The following MPP7 variants were observed in gnomAD, a reference collection of about 807,000 sequenced individuals.
MPP7 encodes MAGUK p55 subfamily member 7.
A neutral mutation model predicts 76.5 loss-of-function variants in MPP7; 60 were observed. That is an observed-to-expected ratio of 0.78 (90% CI 0.64 to 0.97). The LOEUF is 0.97. Ranked by LOEUF, MPP7 falls within the 50% of genes least tolerant of loss-of-function variation. The probability of loss-of-function intolerance (pLI) is 0.00; values close to 1 mark genes in which losing one functional copy is unlikely to be tolerated. For synonymous variants in MPP7, 237 were observed against 244.5 expected (o/e 0.97, Z 0.29); for missense variants, 641 against 694.0 (o/e 0.92, Z 0.86).
intron 2 of MPP7, among the ~76,000 whole-genome samples, chr10:28,210,871 T>C (rs1023200255): frequency 6.6e-6 from 1 of 152,210 alleles, no homozygotes; most frequent in Non-Finnish European, 1.5e-5. Context: ...TAATCTTAAT[T>C]TAACTACACT....
intron 2 of MPP7, among the ~76,000 whole-genome samples, chr10:28,309,471 T>C (rs1841277032): frequency 1.3e-5 from 2 of 151,546 alleles, no homozygotes; most frequent in African/African-American, 4.9e-5. Context: ...ATCACAACAC[T>C]GTTTCCTTCC....
intron 3 of MPP7, among the ~76,000 whole-genome samples, chr10:28,201,149 T>C (rs1362824037): frequency 6.6e-6 from 1 of 152,208 alleles, no homozygotes; most frequent in African/African-American, 2.4e-5. Context: ...TCTTTAAATG[T>C]ACTGCTAGGG....
At chr10:28,287,209 T>C (rs77296995) in intron 1 of MPP7, among the ~76,000 whole-genome samples, 2,305 of 152,248 alleles carry the variant, frequency 0.015, 39 homozygotes, top group East Asian at 0.071. Flanking sequence ...CAAACAAAAA[T>C]TAGATACTTG....
At chr10:28,057,606 T>TA (rs1851611235) in intron 15 of MPP7, 2 of 65,696 alleles carry the variant, frequency 3.0e-5, no homozygotes, top group African/African-American at 2.8e-4. Flanking sequence ...ATTAAACCTC[T>TA]TTTTTTTTTT....
At chr10:28,323,625 A>T (rs1369874368) in intron 2 of MPP7, among the ~76,000 whole-genome samples, 10 of 152,118 alleles carry the variant, frequency 6.6e-5, no homozygotes, top group Non-Finnish European at 4.4e-5. Flanking sequence ...TGAAGGGATC[A>T]CGTGAGGCCA....
At chr10:28,146,301 T>C (rs73608044) in intron 5 of MPP7, among the ~76,000 whole-genome samples, 4,076 of 152,270 alleles carry the variant, frequency 0.027, 159 homozygotes, top group African/African-American at 0.09. Flanking sequence ...CCTCACATCA[T>C]TAATCATAGC....
chr10:28,153,457 T>C (rs951250313), intron 3 of MPP7, among the ~76,000 whole-genome samples: 1 of 152,150 alleles, frequency 6.6e-6, no homozygotes, highest in Non-Finnish European at 1.5e-5. Flanking sequence ...ATATATTAAA[T>C]GCACTATTAA....
intron 1 of MPP7, among the ~76,000 whole-genome samples, chr10:28,275,936 T>TA (rs1443455671): frequency 6.6e-6 from 1 of 151,878 alleles, no homozygotes; most frequent in South Asian, 2.1e-4. Flanking sequence ...ATGTATCTCA[T>TA]AATCATTATA....
chr10:28,226,917 T>C (rs1234813934), intron 2 of MPP7, among the ~76,000 whole-genome samples: 2 of 152,186 alleles, frequency 1.3e-5, no homozygotes, highest in Non-Finnish European at 2.9e-5. Context: ...AGGCATGCAA[T>C]GTAGTAAACT....
chr10:28,284,381 G>A (rs1452970746), intron 1 of MPP7, among the ~76,000 whole-genome samples: 1 of 152,318 alleles, frequency 6.6e-6, no homozygotes, highest in East Asian at 1.9e-4. Flanking sequence ...CAGGGAGGGA[G>A]CAGCAGCTTA....
At chr10:28,059,564 A>C (rs2133325044) in intron 14 of MPP7, 86 bp downstream of exon 14, 1 of 757,486 alleles carries the variant, frequency 1.3e-6, no homozygotes, top group East Asian at 2.6e-5. Flanking sequence ...TACACTTCAA[A>C]TGGAGAACTC....
chr10:28,235,677 T>C (rs1442820804), intron 2 of MPP7, among the ~76,000 whole-genome samples: 2 of 152,186 alleles, frequency 1.3e-5, no homozygotes, highest in African/African-American at 4.8e-5. Flanking sequence ...AAGATAACTA[T>C]TAAAAATCTT....
At chr10:28,144,658 C>T (rs1266900243) in intron 5 of MPP7, among the ~76,000 whole-genome samples, 1 of 152,158 alleles carries the variant, frequency 6.6e-6, no homozygotes, top group Non-Finnish European at 1.5e-5. Flanking sequence ...ACTCCTTTGT[C>T]CCCTTGCTGA....
At chr10:28,296,565 A>T (rs1841040886) in intron 1 of MPP7, among the ~76,000 whole-genome samples, 1 of 152,252 alleles carries the variant, frequency 6.6e-6, no homozygotes, top group Non-Finnish European at 1.5e-5. Flanking sequence ...CAAAATGGAT[A>T]TCGCAACTGC....
intron 2 of MPP7, 117 bp downstream of exon 2, chr10:28,238,451 T>C (rs1011763928): frequency 1.4e-4 from 145 of 1,071,010 alleles, no homozygotes; most frequent in Non-Finnish European, 2.0e-4. Flanking sequence ...GTCCCTAGTG[T>C]TGGTGACAGA....
chr10:28,302,647 G>A (rs1044576732), intron 1 of MPP7, among the ~76,000 whole-genome samples: 3 of 151,874 alleles, frequency 2.0e-5, no homozygotes, highest in African/African-American at 7.3e-5. Context: ...CGCCCGAGGC[G>A]GCCCCGCCCC....
chr10:28,223,760 G>A (rs1838597596), intron 2 of MPP7, among the ~76,000 whole-genome samples: 2 of 151,804 alleles, frequency 1.3e-5, no homozygotes, highest in African/African-American at 4.8e-5. Context: ...GGCTACAAAG[G>A]AAAGTAAATA....
chr10:28,114,139 A>C (rs992379836), intron 11 of MPP7, among the ~76,000 whole-genome samples: 5 of 152,250 alleles, frequency 3.3e-5, no homozygotes, highest in African/African-American at 7.2e-5. Flanking sequence ...GGCTGAGCAC[A>C]GTGGCTCATG....
intron 11 of MPP7, among the ~76,000 whole-genome samples, chr10:28,102,519 T>G (rs1301996811): frequency 6.6e-6 from 1 of 152,182 alleles, no homozygotes; most frequent in Middle Eastern, 3.2e-3. Context: ...ATAATTCTCA[T>G]AAAAATTGGC....
Sources: allele counts gnomAD v4.1 joint callset (sites outside exome capture counted in the v4.1 genomes callset), GRCh38; gene constraint gnomAD v4.1.1; transcripts MANE v1.5; gene names NCBI Gene and HGNC (gene_info 2026-07-23, HGNC 2026-07-21).